PDE10A: variants seen among roughly 807,000 people sequenced by gnomAD.
The protein encoded by PDE10A is cAMP and cAMP-inhibited cGMP 3',5'-cyclic phosphodiesterase 10A.
In PDE10A, 39 loss-of-function variants were observed where a neutral mutation model predicts 97.7. The observed-to-expected ratio is 0.40, with a 90% CI of 0.31 to 0.52. The LOEUF (loss-of-function observed/expected upper bound fraction) is 0.52. PDE10A is among the 20% of genes least tolerant of loss of function. PDE10A has a pLI of 0.56. For missense variants in PDE10A, 731 were observed against 1,047.8 expected, an observed-to-expected ratio of 0.70 and a Z score of 4.17; for synonymous variants, 371 against 376.8, an observed-to-expected ratio of 0.98 and a Z score of 0.18.
rs187182951 is a variant in PDE10A at position 165,408,865 on chromosome 6, T to C, written c.2076+4636A>G. On this transcript the variant is annotated intron_variant, in intron 13 of 21. Coordinates refer to ENST00000539869, the MANE Select transcript of PDE10A (RefSeq NM_001385079.1). The stretch of plus-strand genomic sequence containing the variant: ...ATGAGCTTTAGTAAGGAGAAAAATA[T>C]ACTGCAGTTAAAAAATGGGGCAGGG... Among the ~76,000 whole-genome samples the C allele has an allele frequency of 4.0e-3, 607 of 152,108 alleles. 4 individuals carry two copies. The highest frequency in any genetic ancestry group is 0.013 in the Admixed American group (201 of 15,282).
chr6:165,760,563 G>T (rs1201209797), intron 1 of PDE10A, among the ~76,000 whole-genome samples: 1 of 152,160 alleles, frequency 6.6e-6, no homozygotes, highest in African/African-American at 2.4e-5. Context: ...TTGTTGAATG[G>T]GTGAATGAAT....
chr6:165,891,325 C>G (rs1386077000), intron 1 of PDE10A, among the ~76,000 whole-genome samples: 1 of 152,216 alleles, frequency 6.6e-6, no homozygotes, highest in Non-Finnish European at 1.5e-5. Flanking sequence ...GTCTGAGGCT[C>G]AGGTGCCACC....
intron 1 of PDE10A, among the ~76,000 whole-genome samples, chr6:165,974,509 C>T (rs1784791469): frequency 6.6e-6 from 1 of 152,062 alleles, no homozygotes; most frequent in Non-Finnish European, 1.5e-5. Flanking sequence ...ATGCTTAAGG[C>T]CTACACAAAG....
intron 17 of PDE10A, among the ~76,000 whole-genome samples, chr6:165,385,802 C>A (rs1217564776): frequency 3.3e-5 from 5 of 152,172 alleles, no homozygotes; most frequent in African/African-American, 1.2e-4. Flanking sequence ...AATATTATTT[C>A]TCTCTGGGCG....
rs567468325 is a variant in PDE10A, at chr6:165,580,985, A to G, written c.866-37417T>C. On this transcript the variant is annotated intron_variant, in intron 1 of 21. Transcript: ENST00000539869. ...AGTGAGAAAGAAGATGGTAAGTTCAATTTTTGACTTGTTAAATTATATAAT... is the reference window on the plus strand; with the variant it reads ...AGTGAGAAAGAAGATGGTAAGTTCAGTTTTTGACTTGTTAAATTATATAAT... Among the ~76,000 whole-genome samples, 7 of 152,354 alleles carry G rather than the reference A, an allele frequency of 4.6e-5. No homozygotes were observed. In the East Asian group the frequency reaches 7.7e-4, roughly 17 times the overall value.
chr6:165,622,808 G>A (rs940192850), intron 1 of PDE10A, among the ~76,000 whole-genome samples: 4 of 152,170 alleles, frequency 2.6e-5, no homozygotes, highest in Admixed American at 6.5e-5. Flanking sequence ...ACAGAGTTTG[G>A]AAATCTCATG....
At chr6:165,983,986 C>A (rs1409388735) in intron 1 of PDE10A, among the ~76,000 whole-genome samples, 1 of 152,236 alleles carries the variant, frequency 6.6e-6, no homozygotes, top group Admixed American at 6.5e-5. Context: ...TGTGCTCCCG[C>A]CACTGCAGGC....
intron 1 of PDE10A, among the ~76,000 whole-genome samples, chr6:165,737,488 A>G (rs934589954): frequency 6.6e-6 from 1 of 152,250 alleles, no homozygotes; most frequent in Admixed American, 6.5e-5. Context: ...TTTCCAAGGA[A>G]TTCAACATGT....
intron 1 of PDE10A, among the ~76,000 whole-genome samples, chr6:165,807,465 C>T (rs932391010): frequency 1.3e-5 from 2 of 152,108 alleles, no homozygotes; most frequent in Non-Finnish European, 2.9e-5. Flanking sequence ...GATTACAACC[C>T]GAGCTCCCAC....
chr6:165,345,868 A>G (rs1782270629), intron 18 of PDE10A, among the ~76,000 whole-genome samples: 1 of 152,190 alleles, frequency 6.6e-6, no homozygotes, highest in Non-Finnish European at 1.5e-5. Context: ...AGTGCTGGGT[A>G]AAAATCAATA....
intron 1 of PDE10A, among the ~76,000 whole-genome samples, chr6:165,721,377 C>G (rs925677607): frequency 4.6e-5 from 7 of 152,200 alleles, no homozygotes; most frequent in African/African-American, 1.4e-4. Flanking sequence ...TCTTAACTTG[C>G]AAGTCTGTAT....
rs377401485 is a variant in PDE10A, at chr6:165,367,410, A to ATT, written c.2783+11783_2783+11784insAA. Among the ~76,000 whole-genome samples, 234 of 152,274 alleles carry ATT rather than the reference A, an allele frequency of 1.5e-3. 1 individual carries two copies. The highest frequency in any genetic ancestry group is 5.4e-3 in the African/African-American group (225 of 41,564). ...GTGAAAAACCATACAGAGCCTTAAT[A>ATT]ACCTGTAACACAGTATAAAGGGGTC... On this transcript the variant is annotated intron_variant, in intron 18 of 21. Transcript: ENST00000539869.
At chr6:165,695,415 A>C (rs1791419783) in intron 1 of PDE10A, among the ~76,000 whole-genome samples, 1 of 152,174 alleles carries the variant, frequency 6.6e-6, no homozygotes, top group Admixed American at 6.5e-5. Flanking sequence ...TGGGGAGTCC[A>C]TGCCAAAGAC....
At chr6:165,874,139 G>A (rs1157813249) in intron 1 of PDE10A, among the ~76,000 whole-genome samples, 1 of 152,212 alleles carries the variant, frequency 6.6e-6, no homozygotes, top group Non-Finnish European at 1.5e-5. Context: ...AGACAGGGGA[G>A]GAGAAGCCAT....
intron 1 of PDE10A, among the ~76,000 whole-genome samples, chr6:165,608,129 T>G (rs368837107): frequency 6.7e-6 from 1 of 150,124 alleles, no homozygotes; most frequent in Admixed American, 6.7e-5. Context: ...TATTTTATTA[T>G]ACTTTAAGTT....
chr6:165,944,299 T>C (rs1783687959), intron 1 of PDE10A, among the ~76,000 whole-genome samples: 1 of 152,182 alleles, frequency 6.6e-6, no homozygotes, highest in Non-Finnish European at 1.5e-5. Flanking sequence ...AGCCAAACCA[T>C]ATCACCGTCT....
At chr6:165,931,086 A>C (rs1156326262) in intron 1 of PDE10A, among the ~76,000 whole-genome samples, 1 of 152,258 alleles carries the variant, frequency 6.6e-6, no homozygotes, top group Non-Finnish European at 1.5e-5. Flanking sequence ...ACTTGATTGT[A>C]GAAAATGATT....
intron 15 of PDE10A, 42 bp downstream of exon 15, chr6:165,395,139 T>C: frequency 8.0e-7 from 1 of 1,244,642 alleles, no homozygotes; most frequent in Non-Finnish European, 1.2e-6. Context: ...AGAGGTTATG[T>C]CACCCAATAT....
chr6:165,866,407 G>T (rs1781047609), intron 1 of PDE10A, among the ~76,000 whole-genome samples: 1 of 151,642 alleles, frequency 6.6e-6, no homozygotes, highest in African/African-American at 2.4e-5. Flanking sequence ...TGGCTTTTCA[G>T]TAATGAATTT....
Sources: allele counts gnomAD v4.1 joint callset (sites outside exome capture counted in the v4.1 genomes callset), GRCh38; gene constraint gnomAD v4.1.1; transcripts MANE v1.5; gene names NCBI Gene and HGNC (gene_info 2026-07-23, HGNC 2026-07-21).